The following MYRFL variants were observed in gnomAD, a reference collection of about 807,000 sequenced individuals.
MYRFL encodes the protein myelin regulatory factor like, also known as myelin regulatory factor-like protein.
Under a neutral mutation model 109.4 loss-of-function variants are expected in MYRFL, and 88 were observed. That is an observed-to-expected ratio of 0.80 (90% CI 0.68 to 0.96). The LOEUF (loss-of-function observed/expected upper bound fraction) is 0.96, where lower values mean the gene tolerates loss of function less well. Among genes scored for constraint, MYRFL ranks in the 40% least tolerant of loss-of-function variants. MYRFL has a pLI of 0.00. For missense variants in MYRFL, 957 were observed against 954.9 expected (o/e 1.00, Z -0.03); for synonymous variants, 324 against 320.9 (o/e 1.01, Z -0.10).
At chr12:69,879,969 C>T (rs1482895427) in intron 4 of MYRFL, among the ~76,000 whole-genome samples, 3 of 152,126 alleles carry the variant, frequency 2.0e-5, no homozygotes, top group Non-Finnish European at 2.9e-5. Context: ...TGTATCTTCC[C>T]TGTCTCAATG....
intron 13 of MYRFL, among the ~76,000 whole-genome samples, chr12:69,916,333 G>A (rs532335662): frequency 9.1e-4 from 139 of 152,208 alleles, no homozygotes; most frequent in Non-Finnish European, 1.0e-3. Context: ...AGAGGTTCAC[G>A]GGTGGAAAAG....
At chr12:69,844,308 C>T (rs887797750) in intron 1 of MYRFL, among the ~76,000 whole-genome samples, 4 of 152,006 alleles carry the variant, frequency 2.6e-5, no homozygotes, top group East Asian at 1.9e-4. Context: ...AGGTTGGGGC[C>T]GGTGGGTGAT....
intron 1 of MYRFL, among the ~76,000 whole-genome samples, chr12:69,827,203 A>C (rs999217431): frequency 3.3e-5 from 5 of 152,088 alleles, no homozygotes; most frequent in Non-Finnish European, 7.4e-5. Context: ...CCCACCTGAA[A>C]GCTATTTTCT....
Position 69,927,733 on chromosome 12 carries a change from TA to T in MYRFL, c.1823del (p.Asn608ThrfsTer23), listed in dbSNP as rs1342999618. On this transcript the variant is annotated frameshift_variant, in exon 15 of 25. Transcript: ENST00000552032. LOFTEE classifies it high-confidence loss of function. The stretch of plus-strand genomic sequence containing the variant: ...CATCTTCTCCAAGAAGGGCCGTTCA[TA>T]AAAAAAACAACAAGGTAAATAGACA... ...SASSPRRAVH[K>X]KNNKVYFSGK... The T allele has an allele frequency of 3.3e-6, 5 of 1,531,468 alleles. No individual in the cohort carries two copies. The highest frequency in any genetic ancestry group is 3.5e-6 in the Non-Finnish European group (4 of 1,145,480). 94.9% of individuals were successfully genotyped at this position (1,531,468 alleles called of 1,614,324 possible). A position where few individuals can be genotyped will look rare whatever the true frequency, so the allele number is the denominator to read the frequency against.
intron 9 of MYRFL, among the ~76,000 whole-genome samples, chr12:69,895,895 G>A (rs1464224299): frequency 6.6e-6 from 1 of 152,176 alleles, no homozygotes. Flanking sequence ...ATTTAGACCT[G>A]TGGTTTTCAA....
intron 2 of MYRFL, among the ~76,000 whole-genome samples, chr12:69,872,070 T>C (rs1385611650): frequency 1.3e-5 from 2 of 152,146 alleles, no homozygotes; most frequent in Non-Finnish European, 2.9e-5. Flanking sequence ...GAAACTCTGT[T>C]ATTAAGTACA....
At chr12:69,951,417 A>G (rs563093129) in intron 19 of MYRFL, among the ~76,000 whole-genome samples, 1 of 137,628 alleles carries the variant, frequency 7.3e-6, no homozygotes, top group South Asian at 2.3e-4. Context: ...TGTGTGTCCT[A>G]ACCTGCTTTT....
chr12:69,907,120 A>G (rs1592801710), intron 11 of MYRFL, among the ~76,000 whole-genome samples: 1 of 152,300 alleles, frequency 6.6e-6, no homozygotes, highest in East Asian at 1.9e-4. Flanking sequence ...CCCTAGGCCA[A>G]GTGTACACAT....
At chr12:69,836,488 C>T (rs1882950694) in intron 1 of MYRFL, among the ~76,000 whole-genome samples, 1 of 152,142 alleles carries the variant, frequency 6.6e-6, no homozygotes. Context: ...GATTATAATT[C>T]CACAAGATAA....
At chr12:69,928,392 C>T (rs892998588) in intron 15 of MYRFL, among the ~76,000 whole-genome samples, 33 of 152,206 alleles carry the variant, frequency 2.2e-4, no homozygotes, top group Admixed American at 1.8e-3. Context: ...CAAAACTCAG[C>T]TTGCTCCCTC....
chr12:69,880,397 A>T (rs569421595), intron 5 of MYRFL, 105 bp downstream of exon 5: 11 of 610,314 alleles, frequency 1.8e-5, no homozygotes, highest in Middle Eastern at 3.0e-4. Context: ...TTTCCCTCTC[A>T]CAGAAGAGCA....
In MYRFL at chr12:69,944,592, A is replaced by T. The variant is rs530525202; in HGVS notation, c.2225-7521A>T. On this transcript the variant is annotated intron_variant, in intron 19 of 24. Transcript: ENST00000552032. ...GAGATATACCTAAGGCTAGATGACGAGTTAGTGGGTGCAGCACACCAGCAT... is the reference window on the plus strand; with the variant it reads ...GAGATATACCTAAGGCTAGATGACGTGTTAGTGGGTGCAGCACACCAGCAT... Among the ~76,000 whole-genome samples, 3 of 151,320 alleles carry T rather than the reference A, an allele frequency of 2.0e-5. No homozygotes were observed. In the East Asian group the frequency reaches 5.8e-4, roughly 29 times the overall value.
intron 1 of MYRFL, among the ~76,000 whole-genome samples, chr12:69,835,159 G>C (rs73335881): frequency 1.4e-3 from 210 of 152,230 alleles, no homozygotes; most frequent in African/African-American, 4.9e-3. Context: ...TCTATCAACT[G>C]TCTTTCAGGA....
chr12:69,831,193 G>T (rs995411587), intron 1 of MYRFL, among the ~76,000 whole-genome samples: 2 of 152,068 alleles, frequency 1.3e-5, no homozygotes, highest in Non-Finnish European at 2.9e-5. Flanking sequence ...ATCAACAGGG[G>T]TCAGTAAATT....
At chr12:69,859,467 T>G (rs1884502854) in intron 2 of MYRFL, among the ~76,000 whole-genome samples, 1 of 152,220 alleles carries the variant, frequency 6.6e-6, no homozygotes, top group African/African-American at 2.4e-5. Context: ...TTGTGGATGT[T>G]TCTACTTCTC....
Position 69,891,690 on chromosome 12 carries a change from G to A in MYRFL, c.903+524G>A, listed in dbSNP as rs2870892. ...CTTTCTTTCTTTCTTTCTTTCGTTC[G>A]TTCGTTCTTTCTTTCTTTTTTTCTT... On this transcript the variant is annotated intron_variant, in intron 7 of 24. Transcript: ENST00000552032. Among the ~76,000 whole-genome samples, 17 of 44,712 alleles carry A rather than the reference G, an allele frequency of 3.8e-4. 1 individual carries two copies. Among genetic ancestry groups the A allele is most frequent in the Middle Eastern group, 0.011 (1 of 92 alleles). 29.3% of individuals were successfully genotyped at this position (44,712 alleles called of 152,430 possible).
At chr12:69,835,265 G>A (rs1351232382) in intron 1 of MYRFL, among the ~76,000 whole-genome samples, 1 of 152,200 alleles carries the variant, frequency 6.6e-6, no homozygotes, top group African/African-American at 2.4e-5. Flanking sequence ...TGCCTTGGCA[G>A]GGTTTGGGGA....
rs1249094802 is a variant in MYRFL, at chr12:69,879,279, C to G, written c.290C>G (p.Pro97Arg). 1 of 702,772 alleles carries G rather than the reference C, an allele frequency of 1.4e-6. No individual in the cohort carries two copies. The highest frequency in any genetic ancestry group is 2.6e-6 in the Non-Finnish European group (1 of 384,850). The allele number at this position is 702,772 out of a possible 1,614,324, so 43.5% of individuals were successfully genotyped here. A position where few individuals can be genotyped will look rare whatever the true frequency, so the allele number is the denominator to read the frequency against. Residue 97 changes from proline (P) to arginine (R), a missense_variant, in exon 4 of 25, where the codon CCC (proline) becomes CGC (arginine). Coordinates refer to ENST00000552032, the MANE Select transcript of MYRFL (RefSeq NM_182530.3). ...LHPTAAPAMP[P>R]MHPLQSTSGM... ...CCCACAGCTGCTCCTGCGATGCCGC[C>G]CATGCACCCGCTGCAGAGCACCTCT... is the stretch of plus-strand genomic sequence containing the variant.
Position 69,853,901 on chromosome 12 carries a change from G to A in MYRFL, c.47-1379G>A, listed in dbSNP as rs548526847. 1.2e-4 allele frequency among the ~76,000 whole-genome samples: 19 copies of A among 152,074 alleles called. 2 individuals carry two copies. The South Asian group carries it at 3.9e-3, about 32-fold the overall frequency. ...CAGAGGGGCTCCTCACATCCCAGAC[G>A]ATGGGCGGCCAGGCAGAGATGCTCC... On this transcript the variant is annotated intron_variant, in intron 1 of 24. Coordinates refer to ENST00000552032, the MANE Select transcript of MYRFL (RefSeq NM_182530.3).
Sources: allele counts gnomAD v4.1 joint callset (sites outside exome capture counted in the v4.1 genomes callset), GRCh38; gene constraint gnomAD v4.1.1; transcripts MANE v1.5; gene names NCBI Gene and HGNC (gene_info 2026-07-23, HGNC 2026-07-21).